Variants in UTP6 observed in about 807,000 individuals in gnomAD.
UTP6 encodes the protein U3 small nucleolar RNA-associated protein 6 homolog.
UTP6 carries 60 observed loss-of-function variants against 96.5 expected under a neutral mutation model. The ratio of observed to expected loss-of-function variants is 0.62; its 90% CI spans 0.51 to 0.77. The LOEUF is 0.77. UTP6 is among the 30% of genes least tolerant of loss of function. The pLI, the probability that UTP6 is intolerant of heterozygous loss-of-function variation, is 0.00. For synonymous variants in UTP6, 215 were observed against 240.1 expected, an observed-to-expected ratio of 0.90 and a Z score of 0.96; for missense variants, 637 against 706.5, an observed-to-expected ratio of 0.90 and a Z score of 1.12.
At chr17:31,882,077 C>T (rs900147515) in intron 10 of UTP6, among the ~76,000 whole-genome samples, 1 of 152,144 alleles carries the variant, frequency 6.6e-6, no homozygotes, top group Non-Finnish European at 1.5e-5. Flanking sequence ...GTTGCCCAAG[C>T]TGAAGTGCAG....
intron 16 of UTP6, among the ~76,000 whole-genome samples, chr17:31,870,002 A>G (rs934788378): frequency 6.6e-6 from 1 of 152,134 alleles, no homozygotes; most frequent in Non-Finnish European, 1.5e-5. Flanking sequence ...CAAGAACATG[A>G]TTTTGTTGTT....
At chr17:31,878,174 A>G (rs1910608949) in intron 13 of UTP6, 76 bp downstream of exon 13, 1 of 1,470,640 alleles carries the variant, frequency 6.8e-7, no homozygotes, top group South Asian at 1.2e-5. Flanking sequence ...ATATATATTT[A>G]AAACATGACT....
intron 6 of UTP6, among the ~76,000 whole-genome samples, chr17:31,891,320 T>C (rs963736547): frequency 6.6e-6 from 1 of 152,168 alleles, no homozygotes; most frequent in African/African-American, 2.4e-5. Context: ...CCTACTGATA[T>C]GATCTCATCT....
At chr17:31,871,234 C>T (rs567076461) in intron 16 of UTP6, among the ~76,000 whole-genome samples, 33 of 151,836 alleles carry the variant, frequency 2.2e-4, no homozygotes, top group South Asian at 1.5e-3. Context: ...CCTTGTGATC[C>T]GCCCGCCTCG....
intron 16 of UTP6, among the ~76,000 whole-genome samples, chr17:31,869,400 C>T (rs866501901): frequency 1.9e-4 from 29 of 151,986 alleles, no homozygotes; most frequent in African/African-American, 6.8e-4. Flanking sequence ...ACTCCTGGGC[C>T]CAAGCAATCC....
intron 16 of UTP6, among the ~76,000 whole-genome samples, chr17:31,870,561 G>A (rs1258228465): frequency 2.7e-5 from 4 of 146,432 alleles, no homozygotes; most frequent in African/African-American, 7.6e-5. Context: ...TTGATCTGTC[G>A]CCCAGGCTGG....
chr17:31,884,548 G>A lies in UTP6; in HGVS notation c.704-43C>T, dbSNP rs767785384. ...GGGAGGGGAAGTTTATTGCCAATAA[G>A]AATCACTTTACTTTAAAAGTAGCAT... On this transcript the variant is annotated intron_variant, in intron 9 of 18. Coordinates refer to ENST00000261708, the MANE Select transcript of UTP6 (RefSeq NM_018428.3). 7 of 1,457,944 alleles carry A rather than the reference G, an allele frequency of 4.8e-6. No individual in the cohort carries two copies. In the East Asian group the frequency reaches 9.2e-5, roughly 19 times the overall value. The allele number at this position is 1,457,944 out of a possible 1,614,324, so 90.3% of individuals were successfully genotyped here.
rs772268290 is a variant in UTP6, at chr17:31,886,029, C to T, written c.654G>A (p.Lys218=). 19 of 1,613,700 alleles carry T rather than the reference C, an allele frequency of 1.2e-5. No individual in the cohort carries two copies. In the South Asian group the frequency reaches 2.0e-4, roughly 17 times the overall value. Residue 218 remains lysine, a synonymous_variant, in exon 9 of 19, where the codon AAG becomes AAA. Transcript: ENST00000261708. ...TGTAGATGATCCATGCCAACTCGCC[C>T]TTAAGGATTTCTTCAGAATAATCAG... is the stretch of plus-strand genomic sequence containing the variant. ...ENPDYSEEIL[K]GELAWIIYKN...
chr17:31,869,438 T>G (rs1910028785), intron 16 of UTP6, among the ~76,000 whole-genome samples: 1 of 151,810 alleles, frequency 6.6e-6, no homozygotes, highest in Non-Finnish European at 1.5e-5. Context: ...CTTCCCAGAG[T>G]TCTGGGATTA....
At chr17:31,874,729 C>T (rs541979200) in intron 14 of UTP6, among the ~76,000 whole-genome samples, 6 of 152,106 alleles carry the variant, frequency 3.9e-5, no homozygotes, top group African/African-American at 1.4e-4. Context: ...GCTAGGAGTT[C>T]CAGACCAGCC....
chr17:31,868,283 C>T (rs563618256), intron 16 of UTP6, among the ~76,000 whole-genome samples, 171 bp from the exon 17 acceptor site: 1 of 151,038 alleles, frequency 6.6e-6, no homozygotes, highest in South Asian at 2.1e-4. Context: ...GATTCTATGA[C>T]CACTAATGAC....
At position 31,880,665 on chromosome 17, in the gene UTP6, G is replaced by A. The variant is rs976553577; in HGVS notation, c.875C>T (p.Pro292Leu). 2 of 1,614,098 alleles carry A rather than the reference G, an allele frequency of 1.2e-6. No individual in the cohort carries two copies. Among genetic ancestry groups the A allele is most frequent in the African/African-American group, 2.7e-5 (2 of 75,050 alleles). ...LEIESQTEEQ[P>L]TTKQAKAVEV... ...CACTGCTTTGGCTTGTTTCGTTGTA[G>A]GCTGCTCTTCTGTCTGTGACTCAAT... The change falls in exon 11 of 19, where the codon CCT (proline) becomes CTT (leucine). Residue 292 changes from proline (P) to leucine (L), a missense_variant. Physicochemically the swap from Pro to Leu is moderately conservative, Grantham distance 98. Transcript: ENST00000261708.
intron 16 of UTP6, among the ~76,000 whole-genome samples, chr17:31,870,738 T>C (rs1184821318): frequency 6.6e-6 from 1 of 152,018 alleles, no homozygotes; most frequent in Non-Finnish European, 1.5e-5. Flanking sequence ...TTAGCCAGGA[T>C]GGTCTCGATC....
intron 16 of UTP6, among the ~76,000 whole-genome samples, chr17:31,869,036 GGGAGGC>G (rs1910006242): frequency 6.6e-6 from 1 of 152,114 alleles, no homozygotes; most frequent in Non-Finnish European, 1.5e-5. Flanking sequence ...ACTTGAACCT[GGGAGGC>G]GGAGGCTGCA....
chr17:31,866,654 C>T (rs1909834368), intron 17 of UTP6: 1 of 146,002 alleles, frequency 6.8e-6, no homozygotes, highest in Non-Finnish European at 1.5e-5. Context: ...ATTGCTTGAA[C>T]CTGGGAAGCA....
At chr17:31,900,441 A>G (rs1384131718) in intron 1 of UTP6, among the ~76,000 whole-genome samples, 1 of 152,022 alleles carries the variant, frequency 6.6e-6, no homozygotes, top group Non-Finnish European at 1.5e-5. Context: ...ACAGGCGCTC[A>G]CCACCACGCT....
intron 1 of UTP6, chr17:31,901,302 T>C: frequency 7.5e-6 from 4 of 535,642 alleles, no homozygotes; most frequent in Non-Finnish European, 1.4e-5. Context: ...TTTACAGCCC[T>C]AAGACCCGGC....
At chr17:31,897,562 C>T (rs1018370169) in intron 2 of UTP6, among the ~76,000 whole-genome samples, 4 of 151,004 alleles carry the variant, frequency 2.6e-5, no homozygotes, top group Non-Finnish European at 1.5e-5. Flanking sequence ...AATTCTCCTG[C>T]CTCAGCCCCT....
intron 9 of UTP6, 118 bp from the exon 10 acceptor site, chr17:31,884,623 G>C: frequency 1.3e-6 from 1 of 765,282 alleles, no homozygotes; most frequent in South Asian, 2.1e-5. Context: ...ATGAGAAATA[G>C]AATAAAATAG....
Sources: allele counts gnomAD v4.1 joint callset (sites outside exome capture counted in the v4.1 genomes callset), GRCh38; gene constraint gnomAD v4.1.1; transcripts MANE v1.5; gene names NCBI Gene and HGNC (gene_info 2026-07-23, HGNC 2026-07-21).